Variants in PCDH19 observed in about 807,000 individuals in gnomAD.
The protein encoded by PCDH19 is protocadherin 19.
Under a neutral mutation model 46.2 loss-of-function variants are expected in PCDH19, and 6 were observed. The ratio of observed to expected loss-of-function variants is 0.13; its 90% CI spans 0.07 to 0.26. The LOEUF is 0.26. PCDH19 is among the 10% of genes least tolerant of loss of function. PCDH19 has a pLI of 1.00. For missense variants in PCDH19, 740 were observed against 972.3 expected (o/e 0.76, Z 3.18); for synonymous variants, 481 against 415.7 (o/e 1.16, Z -1.91).
At chrX:100,341,488 T>C (rs759046974) in intron 5 of PCDH19, among the ~76,000 whole-genome samples, 15 of 111,801 alleles carry the variant, frequency 1.3e-4, no homozygotes, top group Non-Finnish European at 2.3e-4. Context: ...ACCAGTCTGA[T>C]AGGGAAATAA....
intron 3 of PCDH19, among the ~76,000 whole-genome samples, chrX:100,353,756 C>T (rs1043875115): frequency 2.1e-4 from 23 of 111,884 alleles, no homozygotes; most frequent in African/African-American, 6.8e-4. Flanking sequence ...CCTTTTTTAA[C>T]TCCAAAAGGA....
At chrX:100,359,803 G>A (rs1469161087) in intron 3 of PCDH19, among the ~76,000 whole-genome samples, 4 of 92,933 alleles carry the variant, frequency 4.3e-5, no homozygotes, top group Non-Finnish European at 9.2e-5. Flanking sequence ...GTGTGTGTGT[G>A]TGTGTGTATG....
At chrX:100,339,071 C>T (rs1046003888) in intron 5 of PCDH19, among the ~76,000 whole-genome samples, 13 of 111,940 alleles carry the variant, frequency 1.2e-4, no homozygotes, top group South Asian at 3.8e-4. Flanking sequence ...GTGTAAGGTA[C>T]GCTCTTGTTG....
chrX:100,404,932 T>C (rs769809979), intron 1 of PCDH19, among the ~76,000 whole-genome samples: 48 of 112,159 alleles, frequency 4.3e-4, no homozygotes, highest in Non-Finnish European at 8.4e-4. Flanking sequence ...TAATTTACAT[T>C]TCTCCCATCT....
At chrX:100,393,643 G>A (rs956479407) in intron 3 of PCDH19, among the ~76,000 whole-genome samples, 1 of 111,123 alleles carries the variant, frequency 9.0e-6, no homozygotes, top group African/African-American at 3.3e-5. Context: ...TCTGAGAAGA[G>A]GTGCCCTTCA....
chrX:100,320,116 A>G (rs1021576949), intron 5 of PCDH19, among the ~76,000 whole-genome samples: 1 of 111,956 alleles, frequency 8.9e-6, no homozygotes, highest in African/African-American at 3.3e-5. Flanking sequence ...AAGGATTATT[A>G]CAGCCCAAAG....
rs190800718 is a variant in PCDH19, at chrX:100,362,267, A to G, written c.2617-11563T>C. On this transcript the variant is annotated intron_variant, in intron 3 of 5. Transcript: ENST00000373034. ...CCTTTCTCTCGAAGGAAGCTGGTAC[A>G]CCCTTTCCTCATCCTGGTCGGCTCA... Among the ~76,000 whole-genome samples, 8 of 110,928 alleles carry G rather than the reference A, an allele frequency of 7.2e-5. No individual in the cohort carries two copies. The East Asian group carries it at 2.3e-3, about 31-fold the overall frequency.
intron 5 of PCDH19, among the ~76,000 whole-genome samples, chrX:100,308,877 G>T (rs1195305695): frequency 1.8e-5 from 2 of 111,251 alleles, no homozygotes; most frequent in Admixed American, 1.9e-4. Context: ...AATAATAAAT[G>T]TTGGCATGGA....
intron 5 of PCDH19, among the ~76,000 whole-genome samples, chrX:100,309,649 T>G (rs2147457216): frequency 9.0e-6 from 1 of 111,093 alleles, no homozygotes; most frequent in African/African-American, 3.3e-5. Context: ...TAAGAGAGAT[T>G]TGATGGGGTT....
intron 5 of PCDH19, among the ~76,000 whole-genome samples, chrX:100,337,183 T>C (rs1926114974): frequency 9.0e-6 from 1 of 111,217 alleles, no homozygotes; most frequent in Admixed American, 9.6e-5. Flanking sequence ...CAAAGGGTGG[T>C]AATTTTACCA....
In PCDH19 at chrX:100,293,683, G is replaced by C. The variant is rs1297977383; in HGVS notation, c.*2594C>G. 9.0e-6 allele frequency: 1 copy of C among 111,422 alleles called. No individual in the cohort carries two copies. The highest frequency in any genetic ancestry group is 1.9e-5 in the Non-Finnish European group (1 of 53,068). The allele number at this position is 111,422 out of a possible 1,213,427, so 9.2% of individuals were successfully genotyped here. A position where few individuals can be genotyped will look rare whatever the true frequency, so the allele number is the denominator to read the frequency against. ...GGGGAAAAATATTTCCTTAATGAGAGGAATTCTCTGAACATGCTCAGTGAG... is the reference window on the plus strand; with the variant it reads ...GGGGAAAAATATTTCCTTAATGAGACGAATTCTCTGAACATGCTCAGTGAG... On this transcript the variant is annotated 3_prime_UTR_variant, in exon 6 of 6. Transcript: ENST00000373034.
chrX:100,401,118 GCTCT>G (rs1242191258), intron 3 of PCDH19, among the ~76,000 whole-genome samples: 1 of 111,913 alleles, frequency 8.9e-6, no homozygotes, highest in Non-Finnish European at 1.9e-5. Context: ...ATGTGAAAGT[GCTCT>G]CTAAGTATGC....
Position 100,344,622 on chromosome X carries a change from G to C in PCDH19, c.2676-2547C>G, listed in dbSNP as rs756036000. 1.2e-4 allele frequency among the ~76,000 whole-genome samples: 12 copies of C among 103,841 alleles called. No individual in the cohort carries two copies. In the South Asian group the frequency reaches 5.7e-3, roughly 49 times the overall value. The allele number at this position is 103,841 out of a possible 115,157, so 90.2% of individuals were successfully genotyped here. On this transcript the variant is annotated intron_variant, in intron 4 of 5. Transcript: ENST00000373034. ...AAATGTCCTTAATCCACAACACAAA[G>C]TTGTCACTTTAAGCCAGAGAATTCA...
At chrX:100,402,444 C>T in intron 3 of PCDH19, 80 bp downstream of exon 3, 2 of 857,966 alleles carry the variant, frequency 2.3e-6, no homozygotes, top group East Asian at 6.4e-5. Flanking sequence ...GATGTGCCAG[C>T]ACAGCAGCTT....
intron 3 of PCDH19, among the ~76,000 whole-genome samples, chrX:100,368,455 G>C (rs1286894211): frequency 8.9e-6 from 1 of 111,801 alleles, no homozygotes; most frequent in Non-Finnish European, 1.9e-5. Flanking sequence ...GGAGCAGAGA[G>C]AGCTTTCCTT....
rs1030080429 is a variant in PCDH19, at chrX:100,409,638, G to A, written c.-1041C>T. 1.0e-5 allele frequency: 2 copies of A among 192,469 alleles called. No individual in the cohort carries two copies. The highest frequency in any genetic ancestry group is 7.6e-5 in the South Asian group (1 of 13,197). The allele number at this position is 192,469 out of a possible 1,213,427, so 15.9% of individuals were successfully genotyped here. A position where few individuals can be genotyped will look rare whatever the true frequency, so the allele number is the denominator to read the frequency against. ...GAGGCAACAACAGTACCGGCCAGGA[G>A]AGGCGGGGCCGCCGCCGTGGGTACC... is the stretch of plus-strand genomic sequence containing the variant. On this transcript the variant is annotated 5_prime_UTR_variant, in exon 1 of 6. Transcript: ENST00000373034.
intron 3 of PCDH19, among the ~76,000 whole-genome samples, chrX:100,396,845 A>C (rs1413339306): frequency 2.7e-5 from 3 of 111,663 alleles, no homozygotes; most frequent in Admixed American, 9.5e-5. Flanking sequence ...TGAGCCCTTG[A>C]TTTTTGAAGA....
chrX:100,348,065 CAAAAAAAAAAA>C (rs1177957771), intron 4 of PCDH19, among the ~76,000 whole-genome samples: 3 of 40,612 alleles, frequency 7.4e-5, no homozygotes, highest in African/African-American at 2.3e-4. Flanking sequence ...GATTCCGTCT[CAAAAAAAAAAA>C]AAAAAAAAAA....
intron 5 of PCDH19, among the ~76,000 whole-genome samples, chrX:100,340,863 C>T (rs1926233806): frequency 8.9e-6 from 1 of 111,982 alleles, no homozygotes; most frequent in Admixed American, 9.5e-5. Context: ...CAGCTGAAGA[C>T]CAGCACATAA....
Sources: gnomAD v4.1 joint callset for allele counts (sites outside exome capture counted in the v4.1 genomes callset) on GRCh38, gnomAD v4.1.1 for gene constraint, MANE v1.5 for transcripts, NCBI Gene and HGNC (gene_info 2026-07-23, HGNC 2026-07-21) for gene names.